RBPJ: variants seen among roughly 807,000 people sequenced by gnomAD.
The protein encoded by RBPJ is recombining binding protein suppressor of hairless.
In RBPJ, 9 loss-of-function variants were observed where a neutral mutation model predicts 67.8. The observed-to-expected ratio is 0.13, with a 90% CI of 0.08 to 0.23. The LOEUF (loss-of-function observed/expected upper bound fraction) is 0.23. Ranked by LOEUF, RBPJ falls within the 10% of genes least tolerant of loss-of-function variation. The probability of loss-of-function intolerance (pLI) is 1.00; values close to 1 mark genes in which losing one functional copy is unlikely to be tolerated. For synonymous variants in RBPJ, 198 were observed against 203.3 expected, an observed-to-expected ratio of 0.97 and a Z score of 0.22; for missense variants, 305 against 595.6, an observed-to-expected ratio of 0.51 and a Z score of 5.08.
intron 2 of RBPJ, among the ~76,000 whole-genome samples, chr4:26,398,882 G>T (rs1482332272): frequency 6.6e-6 from 1 of 152,186 alleles, no homozygotes; most frequent in Non-Finnish European, 1.5e-5. Context: ...AAAGTGCTGG[G>T]ATTACAGGCG....
chr4:26,157,292 G>C, the RBPJ span, among the ~76,000 whole-genome samples: 23 of 151,900 alleles, frequency 1.5e-4, no homozygotes, highest in East Asian at 3.9e-4. Context: ...CATTAGCCAG[G>C]CATGTTGACA....
chr4:26,401,526 GA>G (rs1732797579), intron 2 of RBPJ, among the ~76,000 whole-genome samples: 1 of 152,192 alleles, frequency 6.6e-6, no homozygotes, highest in African/African-American at 2.4e-5. Flanking sequence ...AATCTTTGTA[GA>G]AAGCATTTGT....
the RBPJ span, among the ~76,000 whole-genome samples, chr4:26,129,892 C>T: frequency 6.6e-6 from 1 of 152,024 alleles, no homozygotes; most frequent in African/African-American, 2.4e-5. Flanking sequence ...GATGGAGTCT[C>T]TCTCTGTCTC....
intron 1 of RBPJ, among the ~76,000 whole-genome samples, chr4:26,250,895 C>T (rs774672673): frequency 1.3e-5 from 2 of 152,152 alleles, no homozygotes; most frequent in Admixed American, 1.3e-4. Context: ...TGTATTCCAT[C>T]GTGTGATGTG....
chr4:26,273,418 G>GA (rs1720975063), intron 1 of RBPJ, among the ~76,000 whole-genome samples: 1 of 152,206 alleles, frequency 6.6e-6, no homozygotes, highest in Admixed American at 6.5e-5. Flanking sequence ...TCTGCCTGGC[G>GA]ACCTCCCAGA....
chr4:26,210,752 C>CTTCTTTCCTTCTTTCTTTCTTTCT (rs1553849171), intron 1 of RBPJ, among the ~76,000 whole-genome samples: 25 of 47,330 alleles, frequency 5.3e-4, no homozygotes, highest in African/African-American at 1.4e-3. Flanking sequence ...TCCTTCTTTC[C>CTTCTTTCCTTCTTTCTTTCTTTCT]TTCTTTCTTT....
chr4:26,275,757 A>G (rs544420397), intron 1 of RBPJ, among the ~76,000 whole-genome samples: 1 of 152,024 alleles, frequency 6.6e-6, no homozygotes, highest in Non-Finnish European at 1.5e-5. Flanking sequence ...CAGCCTTGCG[A>G]GTAGCTGGGA....
chr4:26,277,428 C>T (rs1721121407), intron 1 of RBPJ, among the ~76,000 whole-genome samples: 1 of 152,262 alleles, frequency 6.6e-6, no homozygotes, highest in Non-Finnish European at 1.5e-5. Flanking sequence ...CTCACCCCCA[C>T]CAGATACAAG....
the RBPJ span, among the ~76,000 whole-genome samples, chr4:26,115,762 A>G: frequency 2.2e-4 from 34 of 152,242 alleles, no homozygotes; most frequent in African/African-American, 8.2e-4. Flanking sequence ...GTTATTACTA[A>G]CTTAGCACTT....
chr4:26,105,722 G>T, the RBPJ span, among the ~76,000 whole-genome samples: 1 of 152,348 alleles, frequency 6.6e-6, no homozygotes, highest in Non-Finnish European at 1.5e-5. Flanking sequence ...AGAAAAGATA[G>T]TGTGTGCTGT....
chr4:26,262,255 T>A (rs1209955148), intron 1 of RBPJ, among the ~76,000 whole-genome samples: 1 of 151,620 alleles, frequency 6.6e-6, no homozygotes, highest in African/African-American at 2.4e-5. Context: ...TAAAATTGTT[T>A]TAAGAAATGA....
intron 1 of RBPJ, among the ~76,000 whole-genome samples, chr4:26,254,841 C>CTT (rs1456152870): frequency 5.7e-4 from 14 of 24,474 alleles, no homozygotes; most frequent in Non-Finnish European, 9.4e-4. Flanking sequence ...CCATGCCCAG[C>CTT]TATTTTTTTT....
In RBPJ at chr4:26,300,378, G is replaced by A. The variant is rs939840421; in HGVS notation, c.-166-62068G>A. On this transcript the variant is annotated intron_variant, in intron 1 of 4. Transcript: ENST00000512351. ...CAATCTAGACTTTAACTAAAGGAAGGAAGAAATATCCAAGTCTATACTCCT... is the reference window on the plus strand; with the variant it reads ...CAATCTAGACTTTAACTAAAGGAAGAAAGAAATATCCAAGTCTATACTCCT... 4.6e-5 allele frequency among the ~76,000 whole-genome samples: 7 copies of A among 152,290 alleles called. No homozygotes were observed. The East Asian group carries it at 1.3e-3, about 29-fold the overall frequency.
the RBPJ span, among the ~76,000 whole-genome samples, chr4:26,127,713 G>A: frequency 1.3e-5 from 2 of 152,190 alleles, no homozygotes; most frequent in African/African-American, 2.4e-5. Context: ...GGACTTGAAA[G>A]ATGAGCTAGG....
the RBPJ span, among the ~76,000 whole-genome samples, chr4:26,139,237 T>C: frequency 6.6e-6 from 1 of 152,326 alleles, no homozygotes; most frequent in Non-Finnish European, 1.5e-5. Context: ...GTGGAAGTAA[T>C]AATTCCTCCT....
chr4:26,414,496 G>A (rs181405724), intron 3 of RBPJ, among the ~76,000 whole-genome samples: 26 of 152,148 alleles, frequency 1.7e-4, no homozygotes, highest in African/African-American at 5.3e-4. Flanking sequence ...TGTACGCGCC[G>A]TTCACCCATT....
chr4:26,334,186 G>A lies in RBPJ; in HGVS notation c.20+13138G>A, dbSNP rs146081980. 7.1e-3 allele frequency among the ~76,000 whole-genome samples: 1,071 copies of A among 151,794 alleles called. 16 individuals are homozygous for A. Among genetic ancestry groups the A allele is most frequent in the African/African-American group, 0.025 (1,021 of 41,384 alleles). On this transcript the variant is annotated intron_variant, in intron 1 of 10. Transcript: ENST00000355476. ...CTCCCGAGTAGCTGGGATTATAGGC[G>A]CCCACCACAATGCCCAGCTAATTTT...
intron 1 of RBPJ, among the ~76,000 whole-genome samples, chr4:26,234,822 A>T (rs1388486032): frequency 1.3e-5 from 2 of 152,060 alleles, no homozygotes; most frequent in Non-Finnish European, 2.9e-5. Context: ...CCTCCTAAGT[A>T]GCTGGGATTA....
At chr4:26,290,937 T>C (rs1445305466) in intron 1 of RBPJ, among the ~76,000 whole-genome samples, 2 of 151,062 alleles carry the variant, frequency 1.3e-5, no homozygotes, top group Non-Finnish European at 3.0e-5. Flanking sequence ...AGAAAGCAGA[T>C]ATGCTAAAGT....
Sources: allele counts gnomAD v4.1 joint callset (sites outside exome capture counted in the v4.1 genomes callset), GRCh38; gene constraint gnomAD v4.1.1; transcripts MANE v1.5; gene names NCBI Gene and HGNC (gene_info 2026-07-23, HGNC 2026-07-21).